Variants in PNLIPRP3 observed in about 807,000 individuals in gnomAD.
PNLIPRP3 encodes pancreatic lipase related protein 3.
Under a neutral mutation model 52.8 loss-of-function variants are expected in PNLIPRP3, and 58 were observed. The observed-to-expected ratio is 1.10, with a 90% CI of 0.89 to 1.37. The LOEUF (loss-of-function observed/expected upper bound fraction) is 1.37, where lower values mean the gene tolerates loss of function less well. Ranked by LOEUF, PNLIPRP3 falls within the 40% of genes most tolerant of loss-of-function variation. PNLIPRP3 has a pLI of 0.00. For missense variants in PNLIPRP3, 593 were observed against 561.6 expected, an observed-to-expected ratio of 1.06 and a Z score of -0.57; for synonymous variants, 192 against 185.0, an observed-to-expected ratio of 1.04 and a Z score of -0.31.
At position 116,436,840 on chromosome 10, in the gene PNLIPRP3, C is replaced by T. The variant is rs1305802786; in HGVS notation, c.179C>T (p.Thr60Ile). ...EKINTRFLLY[T>I]IHNPNAYQEI... ...ATAAACACTCGTTTCCTGCTCTACA[C>T]TATACACAATCCCAATGCCTATCAG... is the stretch of plus-strand genomic sequence containing the variant. The change falls in exon 2 of 12, where the codon ACT becomes ATT. Residue 60 changes from threonine (T) to isoleucine (I), a missense_variant. Coordinates refer to ENST00000369230, the MANE Select transcript of PNLIPRP3 (RefSeq NM_001011709.3). 2 of 1,608,852 alleles carry T rather than the reference C, an allele frequency of 1.2e-6. No homozygotes were observed. Among genetic ancestry groups the T allele is most frequent in the Non-Finnish European group, 1.7e-6 (2 of 1,177,074 alleles).
intron 9 of PNLIPRP3, 85 bp downstream of exon 9, chr10:116,469,402 A>C (rs1846331525): frequency 2.2e-6 from 3 of 1,335,404 alleles, no homozygotes; most frequent in Non-Finnish European, 1.0e-6. Flanking sequence ...TGTCTACTAA[A>C]TAACTGGGCA....
At chr10:116,449,356 T>C (rs1397672572) in intron 4 of PNLIPRP3, among the ~76,000 whole-genome samples, 2 of 152,246 alleles carry the variant, frequency 1.3e-5, no homozygotes, top group Non-Finnish European at 2.9e-5. Flanking sequence ...ATTCATTTTA[T>C]ATTTTGGAGA....
chr10:116,445,099 C>T (rs1845924673), intron 4 of PNLIPRP3, among the ~76,000 whole-genome samples: 1 of 152,110 alleles, frequency 6.6e-6, no homozygotes, highest in African/African-American at 2.4e-5. Context: ...ATGCATAATC[C>T]TTTCAGATTT....
chr10:116,464,824 C>T (rs577961279), intron 7 of PNLIPRP3, among the ~76,000 whole-genome samples: 2 of 152,310 alleles, frequency 1.3e-5, no homozygotes, highest in East Asian at 1.9e-4. Context: ...CACAGTTCAG[C>T]GAATAGGGGT....
In PNLIPRP3 at chr10:116,471,882, A is replaced by G; in HGVS notation, c.1172+3A>G. On this transcript the variant is annotated splice_donor_region_variant and intron_variant, in intron 10 of 11. Transcript: ENST00000369230. ...ACTGGGGAGTTTGCCATTGTCAGGT[A>G]GGCAGAGTGAGAAACTGACGCTTTG... is the stretch of plus-strand genomic sequence containing the variant. 6.5e-7 allele frequency: 1 copy of G among 1,548,228 alleles called. No individual in the cohort carries two copies. The highest frequency in any genetic ancestry group is 1.4e-5 in the African/African-American group (1 of 73,388).
chr10:116,462,898 A>T (rs1054764638), intron 7 of PNLIPRP3, among the ~76,000 whole-genome samples: 60 of 152,222 alleles, frequency 3.9e-4, no homozygotes, highest in African/African-American at 1.4e-3. Context: ...GATTAAAAGA[A>T]CATTTATCAT....
intron 4 of PNLIPRP3, among the ~76,000 whole-genome samples, chr10:116,448,826 G>A (rs1225024051): frequency 6.6e-6 from 1 of 152,024 alleles, no homozygotes. Context: ...GACCAGCCTG[G>A]CCAACGTGGT....
chr10:116,462,897 A>G (rs1001919061), intron 7 of PNLIPRP3, among the ~76,000 whole-genome samples: 60 of 152,222 alleles, frequency 3.9e-4, no homozygotes, highest in African/African-American at 1.4e-3. Flanking sequence ...GGATTAAAAG[A>G]ACATTTATCA....
intron 8 of PNLIPRP3, among the ~76,000 whole-genome samples, chr10:116,468,018 G>C (rs563283674): frequency 7.9e-4 from 119 of 151,010 alleles, no homozygotes; most frequent in African/African-American, 2.7e-3. Context: ...CTAGCTACTC[G>C]GGAGGCTGAG....
At chr10:116,436,937 T>C (rs1420899493) in intron 2 of PNLIPRP3, 72 bp downstream of exon 2, 4 of 1,387,376 alleles carry the variant, frequency 2.9e-6, no homozygotes, top group African/African-American at 1.4e-5. Context: ...ACAGAAGACA[T>C]AGATACAGTA....
At chr10:116,472,185 A>G (rs1467019305) in intron 10 of PNLIPRP3, among the ~76,000 whole-genome samples, 1 of 152,208 alleles carries the variant, frequency 6.6e-6, no homozygotes, top group Non-Finnish European at 1.5e-5. Flanking sequence ...AATCCCATTC[A>G]CTTAATATTA....
chr10:116,447,935 T>C (rs1384014410), intron 4 of PNLIPRP3, among the ~76,000 whole-genome samples: 1 of 130,758 alleles, frequency 7.6e-6, no homozygotes, highest in Non-Finnish European at 1.5e-5. Context: ...CACTCCAGCC[T>C]GGGCAGCAGA....
At chr10:116,449,833 A>G (rs1211542927) in intron 4 of PNLIPRP3, among the ~76,000 whole-genome samples, 35 of 152,236 alleles carry the variant, frequency 2.3e-4, no homozygotes. Flanking sequence ...TCGCCAGGAT[A>G]GATCACAAGT....
At chr10:116,448,331 AGTT>A (rs1845986177) in intron 4 of PNLIPRP3, among the ~76,000 whole-genome samples, 2 of 152,202 alleles carry the variant, frequency 1.3e-5, no homozygotes, top group South Asian at 4.1e-4. Context: ...ATTGAAATTA[AGTT>A]GTTATCTCCT....
Position 116,455,836 on chromosome 10 carries a change from C to A in PNLIPRP3, c.565+6C>A. 1 of 1,602,826 alleles carries A rather than the reference C, an allele frequency of 6.2e-7. No individual in the cohort carries two copies. The highest frequency in any genetic ancestry group is 8.5e-7 in the Non-Finnish European group (1 of 1,169,876). ...AGGCCTTGGAAGAATAACTGGTAAGCATGCCCTGCAGTTGGGCCTTGAGTG... is the reference window on the plus strand; with the variant it reads ...AGGCCTTGGAAGAATAACTGGTAAGAATGCCCTGCAGTTGGGCCTTGAGTG... On this transcript the variant is annotated splice_donor_region_variant and intron_variant, in intron 5 of 11. Transcript: ENST00000369230.
At chr10:116,445,980 G>A (rs1845942460) in intron 4 of PNLIPRP3, among the ~76,000 whole-genome samples, 1 of 152,136 alleles carries the variant, frequency 6.6e-6, no homozygotes. Flanking sequence ...AGAATGAAGG[G>A]GATAAGGGCT....
chr10:116,449,775 T>A (rs1377296871), intron 4 of PNLIPRP3, among the ~76,000 whole-genome samples: 1 of 152,136 alleles, frequency 6.6e-6, no homozygotes, highest in Non-Finnish European at 1.5e-5. Flanking sequence ...CATAGAATAT[T>A]TCACCCAACA....
At position 116,431,847 on chromosome 10, in the gene PNLIPRP3, CAG is replaced by C. The variant is rs1845712905; in HGVS notation, c.49+3789_49+3790del. Among the ~76,000 whole-genome samples the C allele has an allele frequency of 2.0e-5, 3 of 152,144 alleles. No homozygotes were observed. In the South Asian group the frequency reaches 6.2e-4, roughly 31 times the overall value. ...TCACAGTAGGCTCTCTGCTTCCTTGCAGAGTCTTGTGCTTTCCTTCCCTCTGT... is the reference window on the plus strand; with the variant it reads ...TCACAGTAGGCTCTCTGCTTCCTTGCAGTCTTGTGCTTTCCTTCCCTCTGT... On this transcript the variant is annotated intron_variant, in intron 1 of 11. Coordinates refer to ENST00000369230, the MANE Select transcript of PNLIPRP3 (RefSeq NM_001011709.3).
chr10:116,444,958 C>T (rs1328506386), intron 4 of PNLIPRP3, among the ~76,000 whole-genome samples: 1 of 152,212 alleles, frequency 6.6e-6, no homozygotes, highest in African/African-American at 2.4e-5. Flanking sequence ...CTATTTAACA[C>T]ACATATTCTC....
Sources: allele counts gnomAD v4.1 joint callset (sites outside exome capture counted in the v4.1 genomes callset), GRCh38; gene constraint gnomAD v4.1.1; transcripts MANE v1.5; gene names NCBI Gene and HGNC (gene_info 2026-07-23, HGNC 2026-07-21).